Variants in EPHB2 observed in about 807,000 individuals in gnomAD.
EPHB2 encodes EPH receptor B2.
A neutral mutation model predicts 96.4 loss-of-function variants in EPHB2; 18 were observed. That is an observed-to-expected ratio of 0.19 (90% CI 0.13 to 0.28). EPHB2 has a LOEUF of 0.28. Ranked by LOEUF, EPHB2 falls within the 10% of genes least tolerant of loss-of-function variation. EPHB2 has a pLI of 1.00. For synonymous variants in EPHB2, 506 were observed against 534.1 expected (o/e 0.95, Z 0.72); for missense variants, 989 against 1,355.4 (o/e 0.73, Z 4.25).
At chr1:22,750,886 G>A (rs553679874) in intron 1 of EPHB2, among the ~76,000 whole-genome samples, 45 of 152,216 alleles carry the variant, frequency 3.0e-4, no homozygotes, top group Non-Finnish European at 5.0e-4. Context: ...CACCTCCAGA[G>A]TGTCAGAGCA....
intron 6 of EPHB2, among the ~76,000 whole-genome samples, chr1:22,885,864 C>A (rs932338007): frequency 6.6e-5 from 10 of 152,182 alleles, no homozygotes; most frequent in Admixed American, 4.6e-4. Flanking sequence ...GTCCCTCCCC[C>A]AGGGCCTGGG....
intron 5 of EPHB2, among the ~76,000 whole-genome samples, chr1:22,871,045 T>C (rs1432655413): frequency 6.6e-6 from 1 of 152,232 alleles, no homozygotes; most frequent in Non-Finnish European, 1.5e-5. Flanking sequence ...ATTTGTCAAG[T>C]GCTAACTGTG....
chr1:22,883,218 C>T (rs560053336), intron 6 of EPHB2, among the ~76,000 whole-genome samples: 2 of 152,350 alleles, frequency 1.3e-5, no homozygotes, highest in East Asian at 3.9e-4. Flanking sequence ...GGCAGCACAG[C>T]ACCCAGAATG....
intron 1 of EPHB2, among the ~76,000 whole-genome samples, chr1:22,716,455 C>T (rs936657471): frequency 1.7e-4 from 26 of 152,160 alleles, no homozygotes; most frequent in African/African-American, 5.8e-4. Context: ...CCTCAGCCTC[C>T]GGAGTAGCTG....
Position 22,820,365 on chromosome 1 carries a change from A to G in EPHB2, c.811+35289A>G, listed in dbSNP as rs61768197. ...GAGAATAATAATAATGATAGCTGTA[A>G]CAATAGCAGCTATTGCTGAGCGCGG... On this transcript the variant is annotated intron_variant, in intron 3 of 15. Transcript: ENST00000374630. Among the ~76,000 whole-genome samples the G allele has an allele frequency of 4.6e-3, 701 of 152,216 alleles. 3 individuals carry two copies. Among genetic ancestry groups the G allele is most frequent in the Non-Finnish European group, 7.1e-3 (481 of 68,028 alleles).
chr1:22,862,273 C>A (rs1425440489), intron 3 of EPHB2, among the ~76,000 whole-genome samples: 5 of 152,252 alleles, frequency 3.3e-5, no homozygotes, highest in African/African-American at 1.2e-4. Flanking sequence ...CGAGTGCAAG[C>A]AGTGCCCTCC....
intron 1 of EPHB2, among the ~76,000 whole-genome samples, chr1:22,772,289 C>G (rs1256433816): frequency 6.6e-6 from 1 of 152,158 alleles, no homozygotes; most frequent in Non-Finnish European, 1.5e-5. Flanking sequence ...GGGGACAGAG[C>G]AGAGGAGCTG....
At chr1:22,727,885 C>T (rs1643619876) in intron 1 of EPHB2, among the ~76,000 whole-genome samples, 1 of 151,400 alleles carries the variant, frequency 6.6e-6, no homozygotes, top group Non-Finnish European at 1.5e-5. Context: ...TCAAGCAATC[C>T]TCCTGCCCCA....
At chr1:22,859,303 G>T (rs866656418) in intron 3 of EPHB2, among the ~76,000 whole-genome samples, 16 of 150,852 alleles carry the variant, frequency 1.1e-4, no homozygotes, top group Admixed American at 2.6e-4. Flanking sequence ...CTGGTGGGGG[G>T]GGGGGTATTG....
At chr1:22,827,303 A>G (rs1440580424) in intron 3 of EPHB2, among the ~76,000 whole-genome samples, 1 of 152,168 alleles carries the variant, frequency 6.6e-6, no homozygotes, top group Non-Finnish European at 1.5e-5. Context: ...CTTGCATTGA[A>G]TATATTCATG....
chr1:22,847,931 G>A (rs543609061), intron 3 of EPHB2, among the ~76,000 whole-genome samples: 2 of 152,188 alleles, frequency 1.3e-5, no homozygotes, highest in East Asian at 3.9e-4. Context: ...TCCTGTTCTG[G>A]AGAGCCTTCC....
At chr1:22,769,074 G>T (rs902799493) in intron 1 of EPHB2, among the ~76,000 whole-genome samples, 1 of 152,208 alleles carries the variant, frequency 6.6e-6, no homozygotes, top group Non-Finnish European at 1.5e-5. Flanking sequence ...GGCTGAACCT[G>T]GTTTAAGTTA....
intron 3 of EPHB2, among the ~76,000 whole-genome samples, chr1:22,839,717 T>C (rs1473957515): frequency 6.6e-6 from 1 of 152,140 alleles, no homozygotes; most frequent in African/African-American, 2.4e-5. Context: ...ATGAAGGACA[T>C]CTATGAACTG....
At chr1:22,815,572 A>T (rs12079256) in intron 3 of EPHB2, among the ~76,000 whole-genome samples, 48 of 152,360 alleles carry the variant, frequency 3.2e-4, no homozygotes, top group African/African-American at 1.1e-3. Flanking sequence ...TGAGCCCTGC[A>T]TTGGCCCCAG....
chr1:22,783,877 T>C (rs774244439), intron 2 of EPHB2, among the ~76,000 whole-genome samples: 17 of 152,224 alleles, frequency 1.1e-4, no homozygotes, highest in Non-Finnish European at 2.2e-4. Context: ...GGAAGGACCC[T>C]GTCTTCCCCA....
intron 3 of EPHB2, among the ~76,000 whole-genome samples, chr1:22,850,665 A>C (rs1458741169): frequency 6.6e-6 from 1 of 152,186 alleles, no homozygotes; most frequent in African/African-American, 2.4e-5. Flanking sequence ...ACTGGCAGTG[A>C]TAGTCTCCAG....
At chr1:22,838,232 T>C (rs1266724474) in intron 3 of EPHB2, among the ~76,000 whole-genome samples, 1 of 152,152 alleles carries the variant, frequency 6.6e-6, no homozygotes, top group African/African-American at 2.4e-5. Context: ...CCGATCCCAG[T>C]GAAGCTCAAG....
intron 3 of EPHB2, among the ~76,000 whole-genome samples, chr1:22,848,624 C>T (rs887626352): frequency 1.3e-5 from 2 of 152,190 alleles, no homozygotes; most frequent in African/African-American, 2.4e-5. Flanking sequence ...GAGGCCTTCT[C>T]CTGCTCCCCA....
chr1:22,834,409 A>G (rs894868218), intron 3 of EPHB2, among the ~76,000 whole-genome samples: 1 of 152,182 alleles, frequency 6.6e-6, no homozygotes, highest in Non-Finnish European at 1.5e-5. Context: ...ATGACTTCGG[A>G]CGATTAAAAT....
Sources: allele counts gnomAD v4.1 joint callset (sites outside exome capture counted in the v4.1 genomes callset), GRCh38; gene constraint gnomAD v4.1.1; transcripts MANE v1.5; gene names NCBI Gene and HGNC (gene_info 2026-07-23, HGNC 2026-07-21).